Variants in GADL1 observed in about 807,000 individuals in gnomAD.
GADL1 encodes the protein GAD like acidic amino acid decarboxylase 1.
A neutral mutation model predicts 69.5 loss-of-function variants in GADL1; 71 were observed. The ratio of observed to expected loss-of-function variants is 1.02; its 90% CI spans 0.84 to 1.25. GADL1 has a LOEUF of 1.25. Among genes scored for constraint, GADL1 ranks in the 50% most tolerant of loss-of-function variants. The pLI is 0.00. For synonymous variants in GADL1, 254 were observed against 214.4 expected (o/e 1.18, Z -1.62); for missense variants, 737 against 631.8 (o/e 1.17, Z -1.79).
At chr3:30,753,454 A>G (rs1228600505) in intron 14 of GADL1, among the ~76,000 whole-genome samples, 5 of 152,058 alleles carry the variant, frequency 3.3e-5, no homozygotes, top group Admixed American at 2.0e-4. Flanking sequence ...ATTTTTAGGA[A>G]AAAATTCTCA....
chr3:30,784,959 A>C (rs1696755897), intron 13 of GADL1, among the ~76,000 whole-genome samples: 1 of 152,134 alleles, frequency 6.6e-6, no homozygotes, highest in African/African-American at 2.4e-5. Context: ...TAAGCCTTGC[A>C]GTTGTTTACC....
intron 1 of GADL1, among the ~76,000 whole-genome samples, chr3:30,872,529 C>G (rs970715126): frequency 3.3e-5 from 5 of 151,920 alleles, no homozygotes; most frequent in Admixed American, 2.0e-4. Flanking sequence ...AAATAGAAGG[C>G]CTGTTTTTAG....
chr3:30,750,527 A>T (rs1559486322), intron 14 of GADL1, among the ~76,000 whole-genome samples: 1 of 152,224 alleles, frequency 6.6e-6, no homozygotes. Context: ...AGGCAAGGTT[A>T]TGAGAAATGC....
At chr3:30,803,073 C>G (rs1182296475) in intron 11 of GADL1, among the ~76,000 whole-genome samples, 2 of 152,206 alleles carry the variant, frequency 1.3e-5, no homozygotes, top group African/African-American at 2.4e-5. Flanking sequence ...GCCTACGCAA[C>G]ACAGTGGGAC....
chr3:30,816,872 GT>G (rs1196917648), intron 11 of GADL1, among the ~76,000 whole-genome samples: 1 of 152,056 alleles, frequency 6.6e-6, no homozygotes, highest in Non-Finnish European at 1.5e-5. Context: ...ACAGTTCAGT[GT>G]TTGTCAGAAA....
chr3:30,820,936 T>C (rs531454758), intron 11 of GADL1, among the ~76,000 whole-genome samples: 2 of 151,954 alleles, frequency 1.3e-5, no homozygotes, highest in South Asian at 2.1e-4. Context: ...TGTCCAACAA[T>C]GATAGACTGG....
intron 14 of GADL1, among the ~76,000 whole-genome samples, chr3:30,777,614 C>CT (rs1323115359): frequency 3.9e-5 from 6 of 152,324 alleles, no homozygotes; most frequent in African/African-American, 7.2e-5. Context: ...TCCCTGGAGC[C>CT]TGGGGCCTCT....
chr3:30,773,957 G>C (rs1289434713), intron 14 of GADL1, among the ~76,000 whole-genome samples: 3 of 152,126 alleles, frequency 2.0e-5, no homozygotes, highest in East Asian at 1.9e-4. Context: ...AATTTGATTA[G>C]TGAAAGATAT....
In GADL1 at chr3:30,833,940, G is replaced by A. The variant is rs1482763832; in HGVS notation, c.969-6C>T. On this transcript the variant is annotated splice_region_variant and splice_polypyrimidine_tract_variant and intron_variant, in intron 10 of 14. Transcript: ENST00000282538. ...TCCAGGCCACAGAGTCAGCCCTATT[G>A]TTTAAACAAAGGGACAGAGTAGGGA... The A allele has an allele frequency of 6.2e-7, 1 of 1,607,420 alleles. No individual in the cohort carries two copies. Among genetic ancestry groups the A allele is most frequent in the Non-Finnish European group, 8.5e-7 (1 of 1,174,856 alleles).
In GADL1 at chr3:30,833,974, A is replaced by G. The variant is rs369242976; in HGVS notation, c.969-40T>C. 18 of 1,406,726 alleles carry G rather than the reference A, an allele frequency of 1.3e-5. No individual in the cohort carries two copies. In the South Asian group the frequency reaches 2.0e-4, roughly 15 times the overall value. The allele number at this position is 1,406,726 out of a possible 1,614,324, so 87.1% of individuals were successfully genotyped here. ...AAGGGACAGAGTAGGGAGAGGACTC[A>G]ATTAGTTTCTACAGGCAATGGAATA... On this transcript the variant is annotated intron_variant, in intron 10 of 14. Coordinates refer to ENST00000282538, the MANE Select transcript of GADL1 (RefSeq NM_207359.3).
intron 8 of GADL1, among the ~76,000 whole-genome samples, chr3:30,841,216 T>C (rs1697960086): frequency 6.6e-6 from 1 of 152,208 alleles, no homozygotes; most frequent in South Asian, 2.1e-4. Flanking sequence ...AGGTTTGTCC[T>C]TGGTGAATCC....
At chr3:30,854,814 A>G (rs545485507) in intron 3 of GADL1, 25 bp from the exon 4 acceptor site, 2 of 1,262,954 alleles carry the variant, frequency 1.6e-6, no homozygotes, top group South Asian at 1.3e-5. Flanking sequence ...TGGAGTATTC[A>G]TCTATGCAGC....
chr3:30,830,532 G>T (rs1697770179), intron 11 of GADL1, among the ~76,000 whole-genome samples: 1 of 151,738 alleles, frequency 6.6e-6, no homozygotes, highest in Non-Finnish European at 1.5e-5. Context: ...CCATCTCCCT[G>T]GCCATTCTGA....
At chr3:30,783,820 G>A (rs1696728340) in intron 13 of GADL1, among the ~76,000 whole-genome samples, 1 of 152,162 alleles carries the variant, frequency 6.6e-6, no homozygotes, top group South Asian at 2.1e-4. Context: ...GCAAGGACAT[G>A]AGTGTTTGCA....
chr3:30,857,063 T>A lies in GADL1; in HGVS notation c.289A>T (p.Lys97Ter). 6.5e-7 allele frequency: 1 copy of A among 1,550,076 alleles called. No individual in the cohort carries two copies. The highest frequency in any genetic ancestry group is 8.7e-7 in the Non-Finnish European group (1 of 1,145,752). ...EMRDSGEPPH[K>*]LLELCRDVIH... ...ACATCCCGACAGAGTTCCAATAGTT[T>A]ATGGGGTGGCTCGCCTGAGTCTCTC... The change falls in exon 3 of 15, where the codon AAA becomes TAA. Residue 97 changes from lysine to a stop codon, truncating the protein, a stop_gained. Coordinates refer to ENST00000282538, the MANE Select transcript of GADL1 (RefSeq NM_207359.3). LOFTEE classifies it high-confidence loss of function.
chr3:30,841,157 G>A (rs1024961959), intron 8 of GADL1, among the ~76,000 whole-genome samples: 1 of 152,124 alleles, frequency 6.6e-6, no homozygotes, highest in African/African-American at 2.4e-5. Context: ...TGAAGCTACT[G>A]AGAAAAAATG....
intron 11 of GADL1, among the ~76,000 whole-genome samples, chr3:30,803,884 TGA>T (rs898376896): frequency 2.0e-5 from 3 of 152,196 alleles, no homozygotes; most frequent in Non-Finnish European, 1.5e-5. Flanking sequence ...GTAACATTGT[TGA>T]AAATAGTTAT....
At chr3:30,806,084 T>TC (rs1307235155) in intron 11 of GADL1, among the ~76,000 whole-genome samples, 2 of 152,012 alleles carry the variant, frequency 1.3e-5, no homozygotes, top group Non-Finnish European at 2.9e-5. Context: ...ATCCTTGCTG[T>TC]CCACAACAAC....
chr3:30,811,800 GTT>G (rs11326910), intron 11 of GADL1, among the ~76,000 whole-genome samples: 4 of 151,826 alleles, frequency 2.6e-5, no homozygotes, highest in Non-Finnish European at 5.9e-5. Flanking sequence ...GAATCATATG[GTT>G]TTTTTTCCCC....
Sources: gnomAD v4.1 joint callset for allele counts (sites outside exome capture counted in the v4.1 genomes callset) on GRCh38, gnomAD v4.1.1 for gene constraint, MANE v1.5 for transcripts, NCBI Gene and HGNC (gene_info 2026-07-23, HGNC 2026-07-21) for gene names.